LZTFL1: variants seen among roughly 807,000 people sequenced by gnomAD.
LZTFL1 encodes leucine zipper transcription factor-like protein 1.
Under a neutral mutation model 45.9 loss-of-function variants are expected in LZTFL1, and 25 were observed. The observed-to-expected ratio is 0.54, with a 90% CI of 0.40 to 0.76. The LOEUF is 0.76. LZTFL1 is among the 30% of genes least tolerant of loss of function. The pLI is 0.00. For synonymous variants in LZTFL1, 93 were observed against 117.4 expected (o/e 0.79, Z 1.35); for missense variants, 277 against 331.1 (o/e 0.84, Z 1.27).
chr3:45,837,741 T>C (rs1455575885), intron 2 of LZTFL1, among the ~76,000 whole-genome samples, 186 bp downstream of exon 2: 5 of 152,242 alleles, frequency 3.3e-5, no homozygotes, highest in Non-Finnish European at 7.3e-5. Flanking sequence ...AATAGATTCA[T>C]TGCTTTCACC....
intron 2 of LZTFL1, among the ~76,000 whole-genome samples, chr3:45,866,372 A>G (rs1442182922): frequency 6.6e-6 from 1 of 152,178 alleles, no homozygotes; most frequent in Non-Finnish European, 1.5e-5. Flanking sequence ...TGAAGACGAA[A>G]AATTTAAAAG....
chr3:45,893,614 A>C (rs2125748024), intron 2 of LZTFL1, among the ~76,000 whole-genome samples: 1 of 152,350 alleles, frequency 6.6e-6, no homozygotes, highest in African/African-American at 2.4e-5. Flanking sequence ...AGACTTGTCC[A>C]TGTTGCTGTG....
intron 2 of LZTFL1, chr3:45,903,113 T>C (rs1702609303): frequency 6.0e-6 from 1 of 167,130 alleles, no homozygotes; most frequent in South Asian, 2.1e-4. Context: ...TAATTACTTG[T>C]CACTTTCTTT....
At chr3:45,866,819 G>A (rs1701584384) in intron 2 of LZTFL1, among the ~76,000 whole-genome samples, 1 of 152,262 alleles carries the variant, frequency 6.6e-6, no homozygotes, top group East Asian at 1.9e-4. Flanking sequence ...AATTAAGTAG[G>A]TTAACAATTT....
intron 2 of LZTFL1, among the ~76,000 whole-genome samples, chr3:45,860,744 T>C (rs971118535): frequency 6.6e-6 from 1 of 152,156 alleles, no homozygotes; most frequent in Admixed American, 6.5e-5. Context: ...CTTTGGAGTG[T>C]AGGAAGAGGT....
intron 2 of LZTFL1, among the ~76,000 whole-genome samples, chr3:45,861,585 G>C (rs902879318): frequency 2.0e-5 from 3 of 152,182 alleles, no homozygotes; most frequent in African/African-American, 7.2e-5. Context: ...TATTTGCAAA[G>C]ATATGTGTGC....
chr3:45,830,864 C>T, intron 7 of LZTFL1, 49 bp downstream of exon 7: 2 of 1,533,348 alleles, frequency 1.3e-6, no homozygotes, highest in Non-Finnish European at 1.8e-6. Flanking sequence ...AAGTTTATAA[C>T]TTCATTCTAC....
chr3:45,855,795 T>C (rs1291058872), intron 3 of LZTFL1, among the ~76,000 whole-genome samples: 1 of 152,174 alleles, frequency 6.6e-6, no homozygotes, highest in Non-Finnish European at 1.5e-5. Flanking sequence ...GAATTCCCAT[T>C]CGCAATTGCT....
intron 3 of LZTFL1, chr3:45,855,154 A>C: frequency 1.2e-6 from 1 of 820,940 alleles, no homozygotes; most frequent in Non-Finnish European, 1.9e-6. Context: ...ATCAATGCAA[A>C]AATCCTCAAT....
chr3:45,897,992 A>AAAC (rs1055244090), intron 2 of LZTFL1, among the ~76,000 whole-genome samples: 11 of 149,524 alleles, frequency 7.4e-5, no homozygotes, highest in South Asian at 2.1e-4. Flanking sequence ...AAAAAAAAAA[A>AAAC]ACACACAAAA....
chr3:45,867,251 A>G (rs1350521681), intron 2 of LZTFL1, among the ~76,000 whole-genome samples: 1 of 152,066 alleles, frequency 6.6e-6, no homozygotes, highest in African/African-American at 2.4e-5. Flanking sequence ...CCCTTTGGTA[A>G]ATGGGAGTAA....
At chr3:45,868,525 G>C (rs1701614800) in intron 2 of LZTFL1, among the ~76,000 whole-genome samples, 1 of 152,144 alleles carries the variant, frequency 6.6e-6, no homozygotes, top group African/African-American at 2.4e-5. Flanking sequence ...AGAGAGAAAT[G>C]AATATGTAAA....
chr3:45,900,193 C>T lies in LZTFL1; in HGVS notation c.-215+12927G>A, dbSNP rs1174435335. Among the ~76,000 whole-genome samples the T allele has an allele frequency of 4.6e-5, 7 of 151,986 alleles. No individual in the cohort carries two copies. Among genetic ancestry groups the T allele is most frequent in the African/African-American group, 1.2e-4 (5 of 41,354 alleles). On this transcript the variant is annotated intron_variant, in intron 2 of 4. Transcript: ENST00000472635. The surrounding 1 kb of genome is among the most constrained non-coding windows in gnomAD (Gnocchi z 4.7). ...GAAATTCCTAATAATTTTTGGACCACGGGTCCTGCTAACTATAGAGCAGGT... is the reference window on the plus strand; with the variant it reads ...GAAATTCCTAATAATTTTTGGACCATGGGTCCTGCTAACTATAGAGCAGGT...
chr3:45,902,119 G>A (rs577271905), intron 2 of LZTFL1: 5 of 484,742 alleles, frequency 1.0e-5, no homozygotes, highest in African/African-American at 3.9e-5. Context: ...TGTGATGCCC[G>A]CAATTCTCAA....
intron 2 of LZTFL1, among the ~76,000 whole-genome samples, chr3:45,894,314 G>A (rs1429152958): frequency 6.6e-6 from 1 of 152,160 alleles, no homozygotes; most frequent in African/African-American, 2.4e-5. Flanking sequence ...GGGTTCTGGG[G>A]GCACCGGGTC....
rs980444679 is a variant in LZTFL1 at position 45,823,773 on chromosome 3, G to C, written c.*2541C>G. On this transcript the variant is annotated 3_prime_UTR_variant, in exon 10 of 10. Transcript: ENST00000296135. ...TCTAGTGGCAAAGCTTTGGAACATAGGCATTTACACATAAGCAGAGGGAAA... is the reference window on the plus strand; with the variant it reads ...TCTAGTGGCAAAGCTTTGGAACATACGCATTTACACATAAGCAGAGGGAAA... 6.6e-6 allele frequency: 1 copy of C among 152,098 alleles called. No homozygotes were observed. The highest frequency in any genetic ancestry group is 1.5e-5 in the Non-Finnish European group (1 of 68,028). The allele number at this position is 152,098 out of a possible 1,614,324, so 9.4% of individuals were successfully genotyped here. A position where few individuals can be genotyped will look rare whatever the true frequency, so the allele number is the denominator to read the frequency against.
chr3:45,828,500 T>C lies in LZTFL1; in HGVS notation c.716A>G (p.Asn239Ser), dbSNP rs755594679. 1.2e-6 allele frequency: 2 copies of C among 1,614,224 alleles called. No individual in the cohort carries two copies. Among genetic ancestry groups the C allele is most frequent in the African/African-American group, 2.7e-5 (2 of 75,064 alleles). ...TAGATCGTGCTTGGCTGTCGCCAGA[T>C]TCTCCTCCAGTGACTTCTGGTTTTC... ...KTENQKSLEENLATAKHDLLR... is the reference protein window; with the variant it reads ...KTENQKSLEESLATAKHDLLR... The change falls in exon 8 of 10, where the codon AAT becomes AGT. Residue 239 changes from asparagine (N) to serine (S), a missense_variant. Physicochemically the swap from Asn to Ser is conservative, Grantham distance 46. Coordinates refer to ENST00000296135, the MANE Select transcript of LZTFL1 (RefSeq NM_020347.4).
rs1469278349 is a variant in LZTFL1, at chr3:45,841,646, C to T, written c.3+343G>A. On this transcript the variant is annotated intron_variant, in intron 1 of 9. Transcript: ENST00000296135. ...GAGCTTCTTGAAATAGAGTTAAGAACCCTGCCGTGCACCTTAGGCCGGCAG... is the reference window on the plus strand; with the variant it reads ...GAGCTTCTTGAAATAGAGTTAAGAATCCTGCCGTGCACCTTAGGCCGGCAG... The T allele has an allele frequency of 7.0e-6, 3 of 428,832 alleles. No individual in the cohort carries two copies. In the East Asian group the frequency reaches 1.1e-4, roughly 16 times the overall value. 26.6% of individuals were successfully genotyped at this position (428,832 alleles called of 1,614,324 possible). A position where few individuals can be genotyped will look rare whatever the true frequency, so the allele number is the denominator to read the frequency against.
intron 2 of LZTFL1, among the ~76,000 whole-genome samples, chr3:45,896,109 G>A (rs1301893952): frequency 1.3e-5 from 2 of 152,154 alleles, no homozygotes; most frequent in Non-Finnish European, 2.9e-5. Flanking sequence ...AATTAATTTG[G>A]TCCTGGTGAA....
Sources: allele counts gnomAD v4.1 joint callset (sites outside exome capture counted in the v4.1 genomes callset), GRCh38; gene constraint gnomAD v4.1.1; non-coding constraint Gnocchi (gnomAD v3.1); transcripts MANE v1.5; gene names NCBI Gene and HGNC (gene_info 2026-07-23, HGNC 2026-07-21).